The following IRAG1 variants were observed in gnomAD, a reference collection of about 807,000 sequenced individuals.
IRAG1 encodes IP3R-associated cGMP kinase substrate.
A neutral mutation model predicts 106.2 loss-of-function variants in IRAG1; 62 were observed. The observed-to-expected ratio is 0.58, with a 90% CI of 0.48 to 0.72. The LOEUF is 0.72. Among genes scored for constraint, IRAG1 ranks in the 30% least tolerant of loss-of-function variants. IRAG1 has a pLI of 0.00. For synonymous variants in IRAG1, 462 were observed against 443.9 expected, an observed-to-expected ratio of 1.04 and a Z score of -0.51; for missense variants, 1,064 against 1,140.7, an observed-to-expected ratio of 0.93 and a Z score of 0.97.
In IRAG1 at chr11:10,628,028, G is replaced by A. The variant is rs1439236182; in HGVS notation, c.653-3C>T. On this transcript the variant is annotated splice_polypyrimidine_tract_variant and splice_region_variant and intron_variant, in intron 6 of 20. Coordinates refer to ENST00000423302, the MANE Select transcript of IRAG1 (RefSeq NM_130385.4). The surrounding 1 kb of genome is among the most constrained non-coding windows in gnomAD (Gnocchi z 4.1). The stretch of plus-strand genomic sequence containing the variant: ...CGGGCCACTGCACACATCCAAACCT[G>A]GAAGGGTCCAGACACTAGTGAGTGA... 1.9e-6 allele frequency: 3 copies of A among 1,613,660 alleles called. No homozygotes were observed. The African/African-American group carries it at 4.0e-5, about 22-fold the overall frequency.
chr11:10,637,616 C>T (rs539930488), intron 2 of IRAG1, among the ~76,000 whole-genome samples: 1 of 152,166 alleles, frequency 6.6e-6, no homozygotes, highest in South Asian at 2.1e-4. Context: ...TCTACAAGTA[C>T]CCTTGAGTCA....
chr11:10,630,217 T>C (rs1856582787), intron 4 of IRAG1: 2 of 154,548 alleles, frequency 1.3e-5, no homozygotes, highest in South Asian at 3.9e-4. Context: ...GCACCACCTC[T>C]CACCTGGCTG....
chr11:10,686,868 C>A (rs749261561), intron 1 of IRAG1, among the ~76,000 whole-genome samples: 6 of 152,210 alleles, frequency 3.9e-5, no homozygotes, highest in Non-Finnish European at 8.8e-5. Flanking sequence ...CTTGCTCAAA[C>A]AATGGTAGTT....
chr11:10,640,975 T>C (rs985499571), intron 2 of IRAG1, among the ~76,000 whole-genome samples: 4 of 152,214 alleles, frequency 2.6e-5, no homozygotes, highest in African/African-American at 9.7e-5. Context: ...CCAGTTATAT[T>C]TGAATTTCAA....
At chr11:10,593,046 A>G (rs1852855795) in intron 17 of IRAG1, among the ~76,000 whole-genome samples, 1 of 152,176 alleles carries the variant, frequency 6.6e-6, no homozygotes, top group Admixed American at 6.5e-5. Context: ...CCCACTTTTC[A>G]TTATTATGAA....
intron 20 of IRAG1, among the ~76,000 whole-genome samples, chr11:10,576,895 C>T (rs1054840075): frequency 1.3e-5 from 2 of 152,196 alleles, no homozygotes; most frequent in Non-Finnish European, 2.9e-5. Flanking sequence ...CATACATGCC[C>T]TCATCTATTC....
Position 10,643,119 on chromosome 11 carries a change from G to T in IRAG1, c.225+8906C>A, listed in dbSNP as rs1329278742. On this transcript the variant is annotated intron_variant, in intron 2 of 20. Transcript: ENST00000423302. Reference sequence around the variant, plus strand: ...GAACCCAGGAGGCGGAGCTTACAGTGAGCCTGATCGTGCCACTGCACTCCT... The same window carrying T: ...GAACCCAGGAGGCGGAGCTTACAGTTAGCCTGATCGTGCCACTGCACTCCT... Among the ~76,000 whole-genome samples, 5 of 135,266 alleles carry T rather than the reference G, an allele frequency of 3.7e-5. No individual in the cohort carries two copies. In the South Asian group the frequency reaches 1.2e-3, roughly 32 times the overall value. 88.7% of individuals were successfully genotyped at this position (135,266 alleles called of 152,430 possible).
At chr11:10,577,059 C>T (rs1476372206) in intron 20 of IRAG1, among the ~76,000 whole-genome samples, 1 of 152,190 alleles carries the variant, frequency 6.6e-6, no homozygotes, top group East Asian at 1.9e-4. Flanking sequence ...CTCAGTTCCA[C>T]ATCTAACTGT....
intron 10 of IRAG1, among the ~76,000 whole-genome samples, chr11:10,620,393 A>G (rs1855746819): frequency 6.6e-6 from 1 of 152,190 alleles, no homozygotes; most frequent in African/African-American, 2.4e-5. Context: ...AAAGAAAGCC[A>G]ATTAAGGGCT....
At chr11:10,605,186 A>C (rs193183524) in intron 12 of IRAG1, among the ~76,000 whole-genome samples, 4 of 152,372 alleles carry the variant, frequency 2.6e-5, no homozygotes, top group Non-Finnish European at 5.9e-5. Context: ...TATTGGTCAT[A>C]CATGGAATTC....
intron 10 of IRAG1, among the ~76,000 whole-genome samples, chr11:10,616,858 AC>A (rs1855472963): frequency 6.6e-6 from 1 of 152,216 alleles, no homozygotes; most frequent in African/African-American, 2.4e-5. Flanking sequence ...GCCACTTTCA[AC>A]AAAAAGTAAT....
rs1468105660 is a variant in IRAG1, at chr11:10,573,856, C to CT, written c.*2475dup. The stretch of plus-strand genomic sequence containing the variant: ...GCTTCCACGGCCACTCTCTAGAACT[C>CT]TATTTGCATCCTGTCTTTGGCTCTG... On this transcript the variant is annotated 3_prime_UTR_variant, in exon 21 of 21. Transcript: ENST00000423302. The CT allele has an allele frequency of 2.6e-5, 4 of 152,310 alleles. No individual in the cohort carries two copies. The highest frequency in any genetic ancestry group is 9.6e-5 in the African/African-American group (4 of 41,460). 9.4% of individuals were successfully genotyped at this position (152,310 alleles called of 1,614,324 possible).
intron 9 of IRAG1, among the ~76,000 whole-genome samples, chr11:10,625,192 T>C (rs1430065740): frequency 1.3e-5 from 2 of 152,142 alleles, no homozygotes; most frequent in African/African-American, 2.4e-5. Flanking sequence ...CTGCCCCACA[T>C]TTCCCTCTGT....
intron 15 of IRAG1, chr11:10,599,919 G>A (rs1853784316): frequency 6.6e-6 from 1 of 152,230 alleles, no homozygotes; most frequent in Non-Finnish European, 1.5e-5. Flanking sequence ...ATTACCTCAT[G>A]TGGTATAAAC....
In IRAG1 at chr11:10,659,811, T is replaced by C. The variant is rs570151576; in HGVS notation, c.68-7629A>G. Reference sequence around the variant, plus strand: ...AAAGGCACCGAGAATAGCAGCAAAGTATCTGAGCCTCCCATTTAGCGCCTA... The same window carrying C: ...AAAGGCACCGAGAATAGCAGCAAAGCATCTGAGCCTCCCATTTAGCGCCTA... On this transcript the variant is annotated intron_variant, in intron 1 of 20. Transcript: ENST00000423302. This position sits in a 1 kb window ranked among gnomAD's most constrained non-coding sequence, Gnocchi z 4.1. Among the ~76,000 whole-genome samples, 40 of 152,082 alleles carry C rather than the reference T, an allele frequency of 2.6e-4. No individual in the cohort carries two copies. Among genetic ancestry groups the C allele is most frequent in the African/African-American group, 9.4e-4 (39 of 41,492 alleles).
In IRAG1 at chr11:10,611,885, T is replaced by A. The variant is rs533291887; in HGVS notation, c.1448-2034A>T. On this transcript the variant is annotated intron_variant, in intron 10 of 20. Coordinates refer to ENST00000423302, the MANE Select transcript of IRAG1 (RefSeq NM_130385.4). Reference sequence around the variant, plus strand: ...GAATAGAAGGTTCTCCATTCCATCTTACCAGCATTTCGAAGAGAGAAAAAA... The same window carrying A: ...GAATAGAAGGTTCTCCATTCCATCTAACCAGCATTTCGAAGAGAGAAAAAA... 2.0e-5 allele frequency among the ~76,000 whole-genome samples: 3 copies of A among 152,304 alleles called. No homozygotes were observed. In the South Asian group the frequency reaches 6.2e-4, roughly 32 times the overall value.
intron 1 of IRAG1, among the ~76,000 whole-genome samples, chr11:10,662,469 C>G (rs1421600665): frequency 6.6e-6 from 1 of 152,228 alleles, no homozygotes; most frequent in Non-Finnish European, 1.5e-5. Context: ...TCTCTGACAC[C>G]TTCATGCTTC....
chr11:10,652,476 G>T, intron 1 of IRAG1: 1 of 607,404 alleles, frequency 1.6e-6, no homozygotes, highest in Non-Finnish European at 2.6e-6. Flanking sequence ...GTAGCTAATG[G>T]AAGATACTCC....
chr11:10,627,681 T>C, intron 8 of IRAG1, 35 bp downstream of exon 8: 1 of 1,613,354 alleles, frequency 6.2e-7, no homozygotes. Context: ...CCCCCCACAC[T>C]CAAATCATCC....
Sources: allele counts gnomAD v4.1 joint callset (sites outside exome capture counted in the v4.1 genomes callset), GRCh38; gene constraint gnomAD v4.1.1; non-coding constraint Gnocchi (gnomAD v3.1); transcripts MANE v1.5; gene names NCBI Gene and HGNC (gene_info 2026-07-23, HGNC 2026-07-21).